The following CHMP3 variants were observed in gnomAD, a reference collection of about 807,000 sequenced individuals.
The protein encoded by CHMP3 is 25.1 protein.
Under a neutral mutation model 27.4 loss-of-function variants are expected in CHMP3, and 8 were observed. The observed-to-expected ratio is 0.29, with a 90% CI of 0.17 to 0.53. The LOEUF (loss-of-function observed/expected upper bound fraction) is 0.53. Ranked by LOEUF, CHMP3 falls within the 20% of genes least tolerant of loss-of-function variation. The pLI is 0.96. For synonymous variants in CHMP3, 86 were observed against 85.5 expected, an observed-to-expected ratio of 1.01 and a Z score of -0.03; for missense variants, 208 against 271.5, an observed-to-expected ratio of 0.77 and a Z score of 1.64.
chr2:86,531,333 A>C (rs1675909839), intron 2 of CHMP3, among the ~76,000 whole-genome samples: 6 of 152,010 alleles, frequency 3.9e-5, no homozygotes, highest in African/African-American at 1.4e-4. Flanking sequence ...AGATGCACAA[A>C]AATTTTTGAT....
At chr2:86,524,935 CCT>C (rs1225468796) in intron 3 of CHMP3, among the ~76,000 whole-genome samples, 1 of 152,194 alleles carries the variant, frequency 6.6e-6, no homozygotes, top group Non-Finnish European at 1.5e-5. Flanking sequence ...CTTTTTCAGA[CCT>C]CTGTTTATCC....
chr2:86,525,721 A>AACTCTGGGTTACCTTATATGTAT (rs1365355435), intron 3 of CHMP3, among the ~76,000 whole-genome samples: 2 of 152,164 alleles, frequency 1.3e-5, no homozygotes, highest in Non-Finnish European at 2.9e-5. Context: ...ATTATAAGGT[A>AACTCTGGGTTACCTTATATGTAT]ACCCAGAGTA....
intron 2 of CHMP3, among the ~76,000 whole-genome samples, chr2:86,531,370 T>C (rs1428517323): frequency 1.3e-5 from 2 of 152,142 alleles, no homozygotes; most frequent in Non-Finnish European, 2.9e-5. Context: ...TTGTCTACTC[T>C]TTTTTATTTT....
At chr2:86,527,681 C>G (rs1291869471) in intron 3 of CHMP3, among the ~76,000 whole-genome samples, 1 of 152,100 alleles carries the variant, frequency 6.6e-6, no homozygotes, top group Non-Finnish European at 1.5e-5. Flanking sequence ...TGAAGATAGG[C>G]CGGAAGTGGT....
chr2:86,543,587 A>T (rs548350112), intron 1 of CHMP3, among the ~76,000 whole-genome samples: 1 of 152,370 alleles, frequency 6.6e-6, no homozygotes, highest in Admixed American at 6.5e-5. Flanking sequence ...GTAGCCTATC[A>T]TAATCATTTT....
At chr2:86,524,935 C>T (rs940620292) in intron 3 of CHMP3, among the ~76,000 whole-genome samples, 2 of 152,194 alleles carry the variant, frequency 1.3e-5, no homozygotes, top group African/African-American at 4.8e-5. Flanking sequence ...CTTTTTCAGA[C>T]CTCTGTTTAT....
rs527509601 is a variant in CHMP3, at chr2:86,514,063, A to T, written c.287-3584T>A. On this transcript the variant is annotated intron_variant, in intron 3 of 5. Transcript: ENST00000263856. ...GTGCTACTGCTGAAGCAGTTTATAA[A>T]TATATCTTAAGAATGTCCCAGATGA... Among the ~76,000 whole-genome samples, 36 of 152,370 alleles carry T rather than the reference A, an allele frequency of 2.4e-4. No individual in the cohort carries two copies. The East Asian group carries it at 6.7e-3, about 29-fold the overall frequency.
chr2:86,553,841 T>C (rs186727895), intron 1 of CHMP3, among the ~76,000 whole-genome samples: 4 of 152,344 alleles, frequency 2.6e-5, no homozygotes, highest in East Asian at 3.9e-4. Context: ...GTTATATTTA[T>C]AATCTATTTC....
intron 2 of CHMP3, among the ~76,000 whole-genome samples, chr2:86,539,999 G>T (rs1334969690): frequency 1.3e-5 from 2 of 151,972 alleles, no homozygotes; most frequent in Non-Finnish European, 2.9e-5. Flanking sequence ...GGGTTGTTTT[G>T]TGGGGTTTTT....
intron 3 of CHMP3, among the ~76,000 whole-genome samples, chr2:86,524,973 A>G (rs573580505): frequency 6.6e-6 from 1 of 152,338 alleles, no homozygotes; most frequent in South Asian, 2.1e-4. Context: ...ACACAACTAC[A>G]CAAACACATC....
chr2:86,529,511 T>C (rs1285529066), intron 2 of CHMP3, 114 bp from the exon 3 acceptor site: 2 of 1,028,002 alleles, frequency 1.9e-6, no homozygotes, highest in Non-Finnish European at 1.3e-6. Context: ...TATAGAAGGA[T>C]ATACATAAAA....
At chr2:86,551,768 AG>A (rs1676915944) in intron 1 of CHMP3, among the ~76,000 whole-genome samples, 2 of 152,228 alleles carry the variant, frequency 1.3e-5, no homozygotes, top group African/African-American at 4.8e-5. Context: ...GATTTCAAAT[AG>A]TTACACTTTT....
At chr2:86,538,178 A>G (rs1415388063) in intron 2 of CHMP3, among the ~76,000 whole-genome samples, 1 of 152,210 alleles carries the variant, frequency 6.6e-6, no homozygotes, top group East Asian at 1.9e-4. Context: ...CAAAAAGACA[A>G]AAATTATTTG....
chr2:86,529,478 TG>T (rs1184919557), intron 2 of CHMP3, 81 bp from the exon 3 acceptor site: 3 of 1,320,214 alleles, frequency 2.3e-6, no homozygotes, highest in African/African-American at 1.5e-5. Context: ...GTGATCTAAA[TG>T]TATCTATTAA....
At chr2:86,544,340 CT>C (rs1158237640) in intron 1 of CHMP3, among the ~76,000 whole-genome samples, 420 of 128,948 alleles carry the variant, frequency 3.3e-3, no homozygotes, top group Middle Eastern at 4.0e-3. Flanking sequence ...TTTACATTTT[CT>C]TTTTTTTTTT....
intron 3 of CHMP3, 142 bp from the exon 4 acceptor site, chr2:86,510,621 G>T: frequency 1.7e-6 from 2 of 1,175,778 alleles, no homozygotes; most frequent in Non-Finnish European, 2.3e-6. Flanking sequence ...TAATTACTGT[G>T]CTAGTTGACC....
chr2:86,513,239 G>A (rs796605291), intron 3 of CHMP3, among the ~76,000 whole-genome samples: 1 of 152,184 alleles, frequency 6.6e-6, no homozygotes, highest in Admixed American at 6.5e-5. Context: ...ATTACTAAGT[G>A]AAAGAAGCCA....
chr2:86,560,569 G>T (rs1558665425), intron 1 of CHMP3, among the ~76,000 whole-genome samples: 1 of 151,576 alleles, frequency 6.6e-6, no homozygotes, highest in Non-Finnish European at 1.5e-5. Context: ...GGGGTTGGGG[G>T]TTGGGGAGGG....
At chr2:86,541,859 T>C (rs1276816767) in intron 2 of CHMP3, among the ~76,000 whole-genome samples, 1 of 152,170 alleles carries the variant, frequency 6.6e-6, no homozygotes, top group Non-Finnish European at 1.5e-5. Flanking sequence ...ACCATCCCTT[T>C]GCAAATCATC....
Sources: allele counts gnomAD v4.1 joint callset (sites outside exome capture counted in the v4.1 genomes callset), GRCh38; gene constraint gnomAD v4.1.1; transcripts MANE v1.5; gene names NCBI Gene and HGNC (gene_info 2026-07-23, HGNC 2026-07-21).